PRMT7: variants seen among roughly 807,000 people sequenced by gnomAD.
PRMT7 encodes the protein protein arginine N-methyltransferase 7.
In PRMT7, 75 loss-of-function variants were observed where a neutral mutation model predicts 85.4. The ratio of observed to expected loss-of-function variants is 0.88; its 90% confidence interval spans 0.73 to 1.06. The LOEUF (loss-of-function observed/expected upper bound fraction) is 1.06. Ranked by LOEUF, PRMT7 falls within the 50% of genes least tolerant of loss-of-function variation. The pLI is 0.00. For missense variants in PRMT7, 868 were observed against 915.2 expected (o/e 0.95, Z 0.67); for synonymous variants, 397 against 359.5 (o/e 1.10, Z -1.18).
chr16:68,326,283 G>GT (rs1296849717), intron 5 of PRMT7, among the ~76,000 whole-genome samples: 1 of 152,132 alleles, frequency 6.6e-6, no homozygotes, highest in African/African-American at 2.4e-5. Context: ...AGGTAGAGTA[G>GT]TTTTTTGCTA....
chr16:68,346,157 T>C lies in PRMT7; in HGVS notation c.1068T>C (p.Asn356=). The C allele has an allele frequency of 6.2e-7, 1 of 1,613,900 alleles. No homozygotes were observed. The highest frequency in any genetic ancestry group is 1.1e-5 in the South Asian group (1 of 91,080). ...TCTCCTGGCCTAGCCCTGAAAAGAA[T>C]GAGAGAGTCCGCCAGATGCGCCCCG... ...YSLQRTSPEK[N]ERVRQMRPVC... is the part of the protein sequence containing the mutation. The change falls in exon 11 of 19, where the codon AAT becomes AAC. Residue 356 remains asparagine (N), a synonymous_variant. Coordinates refer to ENST00000441236, the MANE Select transcript of PRMT7 (RefSeq NM_019023.5).
At chr16:68,335,821 G>T (rs937232205) in intron 6 of PRMT7, among the ~76,000 whole-genome samples, 26 of 150,034 alleles carry the variant, frequency 1.7e-4, no homozygotes, top group Admixed American at 7.3e-4. Context: ...CTCTGGCCCA[G>T]ATTAGAGTGC....
intron 16 of PRMT7, chr16:68,354,442 A>G (rs563401300): frequency 2.0e-5 from 3 of 152,410 alleles, no homozygotes; most frequent in South Asian, 2.1e-4. Flanking sequence ...AGCAGCAGCT[A>G]TGCATCGGGA....
intron 16 of PRMT7, 84 bp from the exon 17 acceptor site, chr16:68,355,639 T>G: frequency 7.4e-7 from 1 of 1,355,804 alleles, no homozygotes; most frequent in Non-Finnish European, 9.6e-7. Context: ...GTGACTGCAG[T>G]CAGTGGGAGC....
rs1267579170 is a variant in PRMT7 at position 68,345,765 on chromosome 16, G to T, written c.1018G>T (p.Asp340Tyr). ...GSALYLVAHH[D>Y]DYCVWYSLQR... ...AGCGCTCTATCTGGTAGCCCACCAC[G>T]ATGACTACTGCGTATGGTACAGCCT... The change falls in exon 10 of 19, where the codon GAT (aspartate) becomes TAT (tyrosine). Residue 340 changes from aspartate (D) to tyrosine (Y), a missense_variant. Coordinates refer to ENST00000441236, the MANE Select transcript of PRMT7 (RefSeq NM_019023.5). 6.2e-7 allele frequency: 1 copy of T among 1,614,048 alleles called. No homozygotes were observed. The highest frequency in any genetic ancestry group is 1.3e-5 in the African/African-American group (1 of 74,936).
intron 10 of PRMT7, 151 bp from the exon 11 acceptor site, chr16:68,345,994 A>G: frequency 1.5e-6 from 2 of 1,354,052 alleles, no homozygotes; most frequent in Non-Finnish European, 2.0e-6. Flanking sequence ...GGTTGCTGGA[A>G]TCTGTTTAGA....
rs1312707055 is a variant in PRMT7, at chr16:68,347,312, T to C, written c.1275+18T>C. ...TGGAGCAGGTACTGACATGCACCCT[T>C]GTCAGCCTCCTGATGTGGGCTTGTG... On this transcript the variant is annotated intron_variant, in intron 12 of 18. Transcript: ENST00000441236. 6.6e-7 allele frequency: 1 copy of C among 1,523,928 alleles called. No homozygotes were observed. The highest frequency in any genetic ancestry group is 8.8e-7 in the Non-Finnish European group (1 of 1,130,174). 94.4% of individuals were successfully genotyped at this position (1,523,928 alleles called of 1,614,324 possible).
chr16:68,358,850 AGGGCCTGGCC>A, downstream of PRMT7: 1 of 152,496 alleles, frequency 6.6e-6, no homozygotes, highest in Non-Finnish European at 1.5e-5. Flanking sequence ...AATCAGTGGA[AGGGCCTGGCC>A]TGCACACAAG....
chr16:68,345,908 C>A, intron 10 of PRMT7, 106 bp downstream of exon 10: 2 of 1,500,900 alleles, frequency 1.3e-6, no homozygotes, highest in Non-Finnish European at 1.8e-6. Flanking sequence ...TGTGTCTGGA[C>A]AGAATAACAT....
chr16:68,347,361 G>T, intron 12 of PRMT7, 67 bp downstream of exon 12: 1 of 1,440,684 alleles, frequency 6.9e-7, no homozygotes. Context: ...CGTGGTCCGG[G>T]TGCACAATTC....
At chr16:68,346,339 G>C in intron 11 of PRMT7, 59 bp downstream of exon 11, 1 of 1,605,344 alleles carries the variant, frequency 6.2e-7, no homozygotes. Flanking sequence ...TTTGTCCCAT[G>C]AACCCCAGCA....
chr16:68,345,983 G>T, intron 10 of PRMT7, 162 bp from the exon 11 acceptor site: 1 of 1,320,040 alleles, frequency 7.6e-7, no homozygotes, highest in Admixed American at 2.1e-5. Context: ...AGGCTGTCAT[G>T]GGTTGCTGGA....
intron 5 of PRMT7, among the ~76,000 whole-genome samples, chr16:68,327,046 A>G (rs1472717471): frequency 1.3e-5 from 2 of 152,204 alleles, no homozygotes; most frequent in African/African-American, 4.8e-5. Flanking sequence ...TAGATGATGA[A>G]GATTTTTCTA....
At chr16:68,334,345 T>A (rs950821260) in intron 6 of PRMT7, among the ~76,000 whole-genome samples, 1 of 152,176 alleles carries the variant, frequency 6.6e-6, no homozygotes, top group Non-Finnish European at 1.5e-5. Flanking sequence ...GACAAGTGGC[T>A]TCCTCATTGC....
intron 6 of PRMT7, among the ~76,000 whole-genome samples, chr16:68,330,969 A>G (rs1209557848): frequency 6.6e-6 from 1 of 152,202 alleles, no homozygotes; most frequent in Non-Finnish European, 1.5e-5. Flanking sequence ...TTGAAGTATG[A>G]TTTACATTAA....
intron 3 of PRMT7, among the ~76,000 whole-genome samples, chr16:68,320,317 A>G (rs537116972): frequency 4.6e-5 from 7 of 152,342 alleles, no homozygotes; most frequent in Middle Eastern, 6.8e-3. Context: ...ACAGAAATAT[A>G]GAGTGCAGAG....
At chr16:68,347,915 C>T (rs916914720) in intron 13 of PRMT7, among the ~76,000 whole-genome samples, 1 of 152,144 alleles carries the variant, frequency 6.6e-6, no homozygotes, top group African/African-American at 2.4e-5. Context: ...GGCTTTTTTC[C>T]TCACTTCACA....
intron 2 of PRMT7, among the ~76,000 whole-genome samples, chr16:68,312,681 G>C (rs2044071151): frequency 1.3e-5 from 2 of 152,342 alleles, no homozygotes; most frequent in Middle Eastern, 6.8e-3. Flanking sequence ...GGGGTTCAGA[G>C]AATATCTCCT....
intron 9 of PRMT7, among the ~76,000 whole-genome samples, chr16:68,344,960 G>GACACACACACACA (rs1567713188): frequency 4.5e-3 from 66 of 14,798 alleles, no homozygotes; most frequent in African/African-American, 0.042. Flanking sequence ...ACACACACGG[G>GACACACACACACA]CATGCACATT....
Sources: allele counts gnomAD v4.1 joint callset (sites outside exome capture counted in the v4.1 genomes callset), GRCh38; gene constraint gnomAD v4.1.1; transcripts MANE v1.5; gene names NCBI Gene and HGNC (gene_info 2026-07-23, HGNC 2026-07-21).